The following ZNF516 variants were observed in gnomAD, a reference collection of about 807,000 sequenced individuals.
The protein encoded by ZNF516 is zinc finger protein 516.
ZNF516 carries 19 observed loss-of-function variants against 79.7 expected under a neutral mutation model. That is an observed-to-expected ratio of 0.24 (90% CI 0.17 to 0.35). The LOEUF is 0.35. Among genes scored for constraint, ZNF516 ranks in the 10% least tolerant of loss-of-function variants. The probability of loss-of-function intolerance (pLI) is 1.00; values close to 1 mark genes in which losing one functional copy is unlikely to be tolerated. For synonymous variants in ZNF516, 877 were observed against 739.5 expected (o/e 1.19, Z -3.02); for missense variants, 1,678 against 1,679.5 (o/e 1.00, Z 0.02).
At chr18:76,387,570 A>G (rs2075012744) in intron 3 of ZNF516, 1 of 152,266 alleles carries the variant, frequency 6.6e-6, no homozygotes, top group African/African-American at 2.4e-5. Context: ...ACACAAAAGC[A>G]CACCAACTAT....
chr18:76,409,733 A>G (rs185559004), intron 3 of ZNF516, among the ~76,000 whole-genome samples: 1 of 152,148 alleles, frequency 6.6e-6, no homozygotes, highest in Admixed American at 6.5e-5. Flanking sequence ...AAACCGAGAG[A>G]GCTGCATTTC....
At chr18:76,490,451 T>C (rs1599171447) in intron 1 of ZNF516, among the ~76,000 whole-genome samples, 2 of 152,386 alleles carry the variant, frequency 1.3e-5, no homozygotes, top group Middle Eastern at 3.4e-3. Flanking sequence ...CTTTTTATTT[T>C]ACACGGCAGT....
rs771678433 is a variant in ZNF516, at chr18:76,380,144, C to A, written c.1970G>T (p.Ser657Ile). The stretch of plus-strand genomic sequence containing the variant: ...CTCTTGCCTTCTAGAAGTCTCTCTG[C>A]TACTGTTTTCAAGTATGGACACAGA... The part of the protein sequence containing the change: ...AASVSILENS[S>I]RETSRRQEQH... Residue 657 changes from serine (S) to isoleucine (I), a missense_variant, in exon 4 of 7, where the codon AGC (serine) becomes ATC (isoleucine). Physicochemically the swap from Ser to Ile is moderately radical, Grantham distance 142. Coordinates refer to ENST00000443185, the MANE Select transcript of ZNF516 (RefSeq NM_014643.4). The A allele has an allele frequency of 6.2e-7, 1 of 1,613,928 alleles. No individual in the cohort carries two copies. The highest frequency in any genetic ancestry group is 1.1e-5 in the South Asian group (1 of 91,078).
At chr18:76,444,577 G>A (rs999662458) in intron 2 of ZNF516, among the ~76,000 whole-genome samples, 31 of 152,308 alleles carry the variant, frequency 2.0e-4, no homozygotes, top group Non-Finnish European at 2.2e-4. Flanking sequence ...GGCCACCCAC[G>A]AAAAGACCTG....
At position 76,459,510 on chromosome 18, in the gene ZNF516, G is replaced by A. The variant is rs1176368268; in HGVS notation, c.-158+3518C>T. On this transcript the variant is annotated intron_variant, in intron 2 of 6. Coordinates refer to ENST00000443185, the MANE Select transcript of ZNF516 (RefSeq NM_014643.4). The surrounding 1 kb of genome is among the most constrained non-coding windows in gnomAD (Gnocchi z 5.0). The stretch of plus-strand genomic sequence containing the variant: ...GGATTTGTGCCATTCAGGACGTGGC[G>A]GCCGTGTGCACCCCATCGGGCACCG... Among the ~76,000 whole-genome samples the A allele has an allele frequency of 5.3e-5, 8 of 152,228 alleles. No individual in the cohort carries two copies. The highest frequency in any genetic ancestry group is 1.2e-4 in the African/African-American group (5 of 41,460).
intron 3 of ZNF516, among the ~76,000 whole-genome samples, chr18:76,412,553 G>A (rs1414401089): frequency 6.6e-6 from 1 of 152,164 alleles, no homozygotes; most frequent in African/African-American, 2.4e-5. Context: ...GAAGACAATG[G>A]CCATGGAGAC....
At position 76,440,405 on chromosome 18, in the gene ZNF516, G is replaced by A. The variant is rs998884892; in HGVS notation, c.1810+840C>T. 9.8e-5 allele frequency among the ~76,000 whole-genome samples: 15 copies of A among 152,332 alleles called. No individual in the cohort carries two copies. The East Asian group carries it at 1.4e-3, about 14-fold the overall frequency. On this transcript the variant is annotated intron_variant, in intron 3 of 6. Coordinates refer to ENST00000443185, the MANE Select transcript of ZNF516 (RefSeq NM_014643.4). ...GTAAAAAGCAACAGTCAGTAACGGC[G>A]TTGCAGAGAAGGGAAAAACATCTTT...
chr18:76,478,561 T>C (rs1914309449), intron 1 of ZNF516, among the ~76,000 whole-genome samples: 1 of 152,198 alleles, frequency 6.6e-6, no homozygotes, highest in African/African-American at 2.4e-5. Flanking sequence ...ACAAATCCCT[T>C]ACAGTTTATA....
At chr18:76,445,643 G>C (rs963082722) in intron 2 of ZNF516, among the ~76,000 whole-genome samples, 1 of 152,282 alleles carries the variant, frequency 6.6e-6, no homozygotes, top group Admixed American at 6.5e-5. Flanking sequence ...GAAATTGGTG[G>C]CTCTGAAATA....
In ZNF516 at chr18:76,441,553, G is replaced by A. The variant is rs777057785; in HGVS notation, c.1502C>T (p.Pro501Leu). Residue 501 changes from proline (P) to leucine (L), a missense_variant, in exon 3 of 7, where the codon CCC becomes CTC. Pro to Leu is a moderately conservative substitution (Grantham distance 98, BLOSUM62 -3). Transcript: ENST00000443185. ...GGTGGTGGCTGCGGCCCTGCGGTTG[G>A]GGCGCGCGGCCGAGCGGGGATCGAG... ...GHLDPRSAAR[P>L]NRRAAATTGQ... The A allele has an allele frequency of 2.6e-6, 4 of 1,536,320 alleles. No individual in the cohort carries two copies. Among genetic ancestry groups the A allele is most frequent in the Middle Eastern group, 1.7e-4 (1 of 5,894 alleles).
intron 3 of ZNF516, among the ~76,000 whole-genome samples, chr18:76,409,596 G>A (rs2075347274): frequency 6.6e-6 from 1 of 152,172 alleles, no homozygotes; most frequent in African/African-American, 2.4e-5. Context: ...CGATATTAAA[G>A]TATACCAACT....
At chr18:76,365,631 T>A (rs1312008073) in intron 6 of ZNF516, among the ~76,000 whole-genome samples, 1 of 152,222 alleles carries the variant, frequency 6.6e-6, no homozygotes, top group Non-Finnish European at 1.5e-5. Context: ...GCTCTTTCCC[T>A]CATTTAGAAT....
chr18:76,492,944 C>A, intron 1 of ZNF516: 1 of 985,576 alleles, frequency 1.0e-6, no homozygotes, highest in Non-Finnish European at 1.2e-6. Flanking sequence ...GGCCAGACTT[C>A]ACAGTGTGCA....
intron 3 of ZNF516, among the ~76,000 whole-genome samples, chr18:76,406,007 A>G (rs751913392): frequency 3.5e-4 from 53 of 152,160 alleles, no homozygotes; most frequent in Non-Finnish European, 7.2e-4. Flanking sequence ...ACCAACATCC[A>G]CACGGGAGGC....
In ZNF516 at chr18:76,362,318, G is replaced by A. The variant is rs1156896591; in HGVS notation, c.*180C>T. 5.5e-6 allele frequency: 3 copies of A among 549,178 alleles called. No homozygotes were observed. Among genetic ancestry groups the A allele is most frequent in the Non-Finnish European group, 6.7e-6 (2 of 298,034 alleles). 34.0% of individuals were successfully genotyped at this position (549,178 alleles called of 1,614,324 possible). ...TTTATTTCTGAACGTTTAACAAGGA[G>A]AGGCATCTGCCTTCAGTTTCCACTC... is the stretch of plus-strand genomic sequence containing the variant. On this transcript the variant is annotated 3_prime_UTR_variant, in exon 7 of 7. Transcript: ENST00000443185.
chr18:76,420,754 C>A (rs543551746), intron 3 of ZNF516, among the ~76,000 whole-genome samples: 399 of 151,966 alleles, frequency 2.6e-3, no homozygotes, highest in Non-Finnish European at 4.3e-3. Context: ...TAAAAAAAAA[C>A]AAACAGTATT....
chr18:76,369,817 C>T (rs1350613135), intron 6 of ZNF516, among the ~76,000 whole-genome samples: 1 of 152,202 alleles, frequency 6.6e-6, no homozygotes, highest in African/African-American at 2.4e-5. Flanking sequence ...TTGTGCAACA[C>T]AGGTGTGACG....
chr18:76,495,382 G>C (rs1915442451), upstream of ZNF516: 1 of 146,430 alleles, frequency 6.8e-6, no homozygotes, highest in African/African-American at 2.5e-5. Flanking sequence ...CGCGAGCCGG[G>C]CTCGGGGGGC....
At position 76,433,186 on chromosome 18, in the gene ZNF516, A is replaced by G. The variant is rs114207361; in HGVS notation, c.1810+8059T>C. ...TCTGTTATCAGACAGGAAGATCTCT[A>G]GAGTCTAGACATCCAGTAAAAAGCA... is the stretch of plus-strand genomic sequence containing the variant. On this transcript the variant is annotated intron_variant, in intron 3 of 6. Coordinates refer to ENST00000443185, the MANE Select transcript of ZNF516 (RefSeq NM_014643.4). 7.3e-3 allele frequency among the ~76,000 whole-genome samples: 1,109 copies of G among 152,326 alleles called. 10 individuals carry two copies. Among genetic ancestry groups the G allele is most frequent in the African/African-American group, 0.025 (1,044 of 41,558 alleles).
Sources: gnomAD v4.1 joint callset for allele counts (sites outside exome capture counted in the v4.1 genomes callset) on GRCh38, gnomAD v4.1.1 for gene constraint, Gnocchi (gnomAD v3.1) non-coding constraint, MANE v1.5 for transcripts, NCBI Gene and HGNC (gene_info 2026-07-23, HGNC 2026-07-21) for gene names.